The following ATAD2B variants were observed in gnomAD, a reference collection of about 807,000 sequenced individuals.
The protein encoded by ATAD2B is ATPase family AAA domain-containing protein 2B.
Under a neutral mutation model 167.6 loss-of-function variants are expected in ATAD2B, and 40 were observed. The ratio of observed to expected loss-of-function variants is 0.24; its 90% CI spans 0.19 to 0.31. ATAD2B has a LOEUF of 0.31. Among genes scored for constraint, ATAD2B ranks in the 10% least tolerant of loss-of-function variants. ATAD2B has a pLI of 1.00. For missense variants in ATAD2B, 1,242 were observed against 1,757.2 expected (o/e 0.71, Z 5.24); for synonymous variants, 579 against 596.5 (o/e 0.97, Z 0.43).
intron 25 of ATAD2B, among the ~76,000 whole-genome samples, chr2:23,756,021 A>G (rs1409569143): frequency 6.6e-6 from 1 of 152,112 alleles, no homozygotes; most frequent in Non-Finnish European, 1.5e-5. Flanking sequence ...TAGATCACCA[A>G]CTGAACACAA....
At chr2:23,893,952 C>G (rs571236632) in intron 2 of ATAD2B, among the ~76,000 whole-genome samples, 33 of 152,208 alleles carry the variant, frequency 2.2e-4, no homozygotes, top group Admixed American at 9.8e-4. Flanking sequence ...GCATGAGCCA[C>G]ATGCCTGGCC....
At chr2:23,803,709 T>C (rs17462670) in intron 18 of ATAD2B, among the ~76,000 whole-genome samples, 18,210 of 152,216 alleles carry the variant, frequency 0.12, 1,165 homozygotes, top group Middle Eastern at 0.21. Context: ...GTCATGTATA[T>C]TCTTGTGCAT....
At chr2:23,825,313 T>A (rs6748701) in intron 15 of ATAD2B, among the ~76,000 whole-genome samples, 146,176 of 152,058 alleles carry the variant, frequency 0.96, 70,257 homozygotes, top group East Asian at 0.99. Flanking sequence ...TGGTGATTAC[T>A]AAGAAAAACC....
At chr2:23,922,444 T>C (rs1230762676) in intron 1 of ATAD2B, among the ~76,000 whole-genome samples, 2 of 151,596 alleles carry the variant, frequency 1.3e-5, no homozygotes, top group African/African-American at 4.9e-5. Flanking sequence ...AACAACCTGA[T>C]ATTTTAAAAG....
chr2:23,880,648 G>A lies in ATAD2B; in HGVS notation c.892C>T (p.Pro298Ser), dbSNP rs762981370. Residue 298 changes from proline (P) to serine (S), a missense_variant, in exon 7 of 28, where the codon CCT (proline) becomes TCT (serine). Coordinates refer to ENST00000238789, the MANE Select transcript of ATAD2B (RefSeq NM_017552.4). ...ATTTAGAGTTGCCTACCTATTGGAG[G>A]TGCTTGGTATCGATCCACTGTTTTT... Reference protein sequence around the residue: ...QRKTVDRYQAPPIVPAHQKKR... With the variant: ...QRKTVDRYQASPIVPAHQKKR... 1 of 1,592,586 alleles carries A rather than the reference G, an allele frequency of 6.3e-7. No homozygotes were observed. Among genetic ancestry groups the A allele is most frequent in the Non-Finnish European group, 8.6e-7 (1 of 1,165,388 alleles).
intron 13 of ATAD2B, among the ~76,000 whole-genome samples, chr2:23,849,974 T>C (rs1692298930): frequency 6.6e-6 from 1 of 151,738 alleles, no homozygotes. Flanking sequence ...AATTTAAAAA[T>C]GACTTTAATA....
the ATAD2B span, among the ~76,000 whole-genome samples, chr2:23,735,765 G>A: frequency 1.3e-5 from 2 of 152,194 alleles, no homozygotes; most frequent in African/African-American, 4.8e-5. Flanking sequence ...GGAACAAGAG[G>A]TGCTGTCAGG....
intron 13 of ATAD2B, among the ~76,000 whole-genome samples, chr2:23,849,219 T>A (rs746014275): frequency 7.9e-5 from 12 of 152,166 alleles, no homozygotes; most frequent in Non-Finnish European, 1.6e-4. Context: ...TTATATAGTC[T>A]ATGAACAACA....
At chr2:23,761,877 G>C (rs2551328) in intron 24 of ATAD2B, among the ~76,000 whole-genome samples, 5,896 of 152,250 alleles carry the variant, frequency 0.039, 110 homozygotes, top group Admixed American at 0.046. Flanking sequence ...ATCCTGCATA[G>C]TGTACAAGGA....
chr2:23,870,314 T>G, intron 8 of ATAD2B, among the ~76,000 whole-genome samples: 1 of 125,556 alleles, frequency 8.0e-6, no homozygotes, highest in Non-Finnish European at 1.7e-5. Flanking sequence ...TGAGACAGTG[T>G]CTCACTCTGT....
chr2:23,722,361 T>C, the ATAD2B span, among the ~76,000 whole-genome samples: 1 of 152,102 alleles, frequency 6.6e-6, no homozygotes, highest in African/African-American at 2.4e-5. Flanking sequence ...GAAAAACAAT[T>C]CATTATTTGC....
intron 8 of ATAD2B, among the ~76,000 whole-genome samples, chr2:23,873,351 T>C (rs1039371718): frequency 6.6e-6 from 1 of 152,212 alleles, no homozygotes; most frequent in African/African-American, 2.4e-5. Context: ...ACAATACCTA[T>C]AAACATATAC....
At chr2:23,911,172 G>A (rs1702244595) in intron 1 of ATAD2B, among the ~76,000 whole-genome samples, 1 of 151,396 alleles carries the variant, frequency 6.6e-6, no homozygotes, top group Non-Finnish European at 1.5e-5. Context: ...AGTGAGCCGA[G>A]ATTGCACCAT....
chr2:23,810,567 A>C, intron 17 of ATAD2B, 65 bp from the exon 18 acceptor site: 6 of 1,379,292 alleles, frequency 4.4e-6, no homozygotes, highest in Non-Finnish European at 5.9e-6. Context: ...ATGAAATATC[A>C]GGCAAAATTT....
downstream of ATAD2B, among the ~76,000 whole-genome samples, chr2:23,745,046 G>T (rs535013023): frequency 6.6e-6 from 1 of 152,282 alleles, no homozygotes; most frequent in South Asian, 2.1e-4. Flanking sequence ...AGCACTTTGG[G>T]AGGCCAAGGC....
At chr2:23,758,962 T>C (rs527550673) in intron 24 of ATAD2B, among the ~76,000 whole-genome samples, 1 of 152,320 alleles carries the variant, frequency 6.6e-6, no homozygotes, top group African/African-American at 2.4e-5. Flanking sequence ...CCTGGAATTT[T>C]TAATTTCTCA....
At chr2:23,748,450 C>G (rs1265338156), downstream of ATAD2B, among the ~76,000 whole-genome samples, 1 of 152,146 alleles carries the variant, frequency 6.6e-6, no homozygotes, top group East Asian at 1.9e-4. Flanking sequence ...TTTAGACAAT[C>G]TTCAACTAAA....
chr2:23,691,921 A>T, the ATAD2B span: 1 of 1,521,844 alleles, frequency 6.6e-7, no homozygotes, highest in South Asian at 1.2e-5. Flanking sequence ...AAGAGTGCAG[A>T]TGGGCGGAGA....
intron 13 of ATAD2B, among the ~76,000 whole-genome samples, chr2:23,836,538 A>C (rs2712050): frequency 0.19 from 28,241 of 152,156 alleles, 2,727 homozygotes; most frequent in Middle Eastern, 0.26. Flanking sequence ...TCTTGTCCTG[A>C]GTCCAGGAAG....
Sources: allele counts gnomAD v4.1 joint callset (sites outside exome capture counted in the v4.1 genomes callset), GRCh38; gene constraint gnomAD v4.1.1; transcripts MANE v1.5; gene names NCBI Gene and HGNC (gene_info 2026-07-23, HGNC 2026-07-21).